The following KLHL32 variants were observed in gnomAD, a reference collection of about 807,000 sequenced individuals.
The protein encoded by KLHL32 is kelch like family member 32, also known as kelch-like protein 32.
In KLHL32, 35 loss-of-function variants were observed where a neutral mutation model predicts 64.8. The observed-to-expected ratio is 0.54, with a 90% CI of 0.41 to 0.72. The LOEUF is 0.72. Among genes scored for constraint, KLHL32 ranks in the 30% least tolerant of loss-of-function variants. KLHL32 has a pLI of 0.00. For synonymous variants in KLHL32, 259 were observed against 281.0 expected, an observed-to-expected ratio of 0.92 and a Z score of 0.78; for missense variants, 589 against 768.5, an observed-to-expected ratio of 0.77 and a Z score of 2.76.
chr6:96,906,007 T>A, the KLHL32 span, among the ~76,000 whole-genome samples: 53 of 152,308 alleles, frequency 3.5e-4, 1 homozygote, highest in African/African-American at 1.1e-3. Flanking sequence ...TGCCTTTTTA[T>A]TCTGGTAGTC....
intron 4 of KLHL32, among the ~76,000 whole-genome samples, chr6:97,051,963 A>C (rs137957757): frequency 6.6e-6 from 1 of 152,316 alleles, no homozygotes; most frequent in East Asian, 1.9e-4. Context: ...TATGCAGTCT[A>C]TTCATCTGGC....
At chr6:97,125,907 G>A (rs1242369665) in intron 7 of KLHL32, among the ~76,000 whole-genome samples, 1 of 152,178 alleles carries the variant, frequency 6.6e-6, no homozygotes, top group Non-Finnish European at 1.5e-5. Flanking sequence ...TATAAAACTG[G>A]CAAGCAGCTT....
intron 10 of KLHL32, among the ~76,000 whole-genome samples, chr6:97,138,592 A>C (rs952072943): frequency 6.6e-6 from 1 of 151,952 alleles, no homozygotes; most frequent in Non-Finnish European, 1.5e-5. Context: ...AAACAAAAAA[A>C]CTCCAGCATG....
chr6:96,986,587 C>A (rs1434531676), intron 3 of KLHL32, among the ~76,000 whole-genome samples: 1 of 152,216 alleles, frequency 6.6e-6, no homozygotes, highest in Admixed American at 6.5e-5. Flanking sequence ...GCCCCTCCCC[C>A]AGCCTGGCTG....
chr6:96,960,289 A>G (rs538910797), intron 1 of KLHL32, among the ~76,000 whole-genome samples: 7 of 152,178 alleles, frequency 4.6e-5, no homozygotes, highest in Admixed American at 1.3e-4. Flanking sequence ...CATTTTCCCT[A>G]TTCTTACTGA....
the KLHL32 span, among the ~76,000 whole-genome samples, chr6:96,912,868 C>G: frequency 6.6e-6 from 1 of 152,182 alleles, no homozygotes; most frequent in Non-Finnish European, 1.5e-5. Context: ...CTGCTCCTCT[C>G]CCTACCACCT....
chr6:96,996,360 G>A (rs974259642), intron 3 of KLHL32, among the ~76,000 whole-genome samples: 8 of 151,990 alleles, frequency 5.3e-5, no homozygotes, highest in African/African-American at 1.9e-4. Flanking sequence ...TTGAGAAAAG[G>A]GCATAAATCC....
rs555695397 is a variant in KLHL32, at chr6:97,041,738, T to C, written c.312+139T>C. On this transcript the variant is annotated intron_variant, in intron 4 of 10. Coordinates refer to ENST00000369261, the MANE Select transcript of KLHL32 (RefSeq NM_052904.4). The stretch of plus-strand genomic sequence containing the variant: ...AAAAATAAGATTCACATCCTCTTAA[T>C]TTTATGACTAAAGTTATGGAAAGGT... 7 of 563,418 alleles carry C rather than the reference T, an allele frequency of 1.2e-5. No homozygotes were observed. The East Asian group carries it at 1.7e-4, about 14-fold the overall frequency. 34.9% of individuals were successfully genotyped at this position (563,418 alleles called of 1,614,324 possible). A position where few individuals can be genotyped will look rare whatever the true frequency, so the allele number is the denominator to read the frequency against.
At chr6:97,080,660 G>A (rs906758608) in intron 5 of KLHL32, among the ~76,000 whole-genome samples, 3 of 152,222 alleles carry the variant, frequency 2.0e-5, no homozygotes, top group Non-Finnish European at 4.4e-5. Context: ...CATTCAGCAA[G>A]TGTGGCTTGA....
chr6:96,928,601 T>C (rs973294907), intron 1 of KLHL32, among the ~76,000 whole-genome samples: 3 of 152,208 alleles, frequency 2.0e-5, no homozygotes, highest in Admixed American at 6.5e-5. Flanking sequence ...ATACAGAGAC[T>C]GGCACACAAT....
At chr6:96,948,601 G>A (rs905931032) in intron 1 of KLHL32, among the ~76,000 whole-genome samples, 3 of 152,058 alleles carry the variant, frequency 2.0e-5, no homozygotes, top group African/African-American at 7.2e-5. Flanking sequence ...GTATTTAGCA[G>A]TTTTAAGTAC....
chr6:97,128,589 C>T (rs1340817129), intron 8 of KLHL32, among the ~76,000 whole-genome samples: 1 of 152,218 alleles, frequency 6.6e-6, no homozygotes, highest in Non-Finnish European at 1.5e-5. Flanking sequence ...TATCATTCAG[C>T]CCTGGTGCTT....
intron 3 of KLHL32, among the ~76,000 whole-genome samples, chr6:96,983,884 T>G (rs1167864771): frequency 1.3e-5 from 2 of 152,212 alleles, no homozygotes; most frequent in African/African-American, 2.4e-5. Flanking sequence ...TTTCCTTCAG[T>G]TCTGCTCTGA....
chr6:96,997,601 G>A (rs150987095), intron 3 of KLHL32, among the ~76,000 whole-genome samples: 8 of 152,130 alleles, frequency 5.3e-5, no homozygotes, highest in African/African-American at 1.7e-4. Context: ...AAATTAGCTG[G>A]GTGTAGTGGC....
chr6:96,959,919 C>G (rs1773702155), intron 1 of KLHL32, among the ~76,000 whole-genome samples: 1 of 152,190 alleles, frequency 6.6e-6, no homozygotes, highest in Admixed American at 6.5e-5. Flanking sequence ...TCTTTGGTCT[C>G]TTTAGCACTT....
At chr6:97,028,728 C>T (rs9320388) in intron 3 of KLHL32, among the ~76,000 whole-genome samples, 4 of 151,890 alleles carry the variant, frequency 2.6e-5, no homozygotes, top group South Asian at 4.1e-4. Flanking sequence ...CTGCCATATG[C>T]GAGAGATCAA....
At chr6:96,966,540 A>G (rs1774478207) in intron 1 of KLHL32, among the ~76,000 whole-genome samples, 1 of 152,164 alleles carries the variant, frequency 6.6e-6, no homozygotes, top group South Asian at 2.1e-4. Context: ...CTTGAATGGA[A>G]AATTATATTT....
intron 6 of KLHL32, among the ~76,000 whole-genome samples, chr6:97,090,271 G>A (rs2128184838): frequency 6.6e-6 from 1 of 152,218 alleles, no homozygotes; most frequent in South Asian, 2.1e-4. Flanking sequence ...TAGAAAATGA[G>A]TTTGGCCTTT....
intron 3 of KLHL32, among the ~76,000 whole-genome samples, chr6:97,026,141 AT>A (rs1411177861): frequency 6.6e-6 from 1 of 152,100 alleles, no homozygotes; most frequent in Non-Finnish European, 1.5e-5. Flanking sequence ...CCATCTAATT[AT>A]TTTTTAAAAG....
Sources: allele counts gnomAD v4.1 joint callset (sites outside exome capture counted in the v4.1 genomes callset), GRCh38; gene constraint gnomAD v4.1.1; transcripts MANE v1.5; gene names NCBI Gene and HGNC (gene_info 2026-07-23, HGNC 2026-07-21).